The following CFAP43 variants were observed in gnomAD, a reference collection of about 807,000 sequenced individuals.
CFAP43 encodes the protein cilia and flagella associated protein 43.
Under a neutral mutation model 218.9 loss-of-function variants are expected in CFAP43, and 155 were observed. The observed-to-expected ratio is 0.71, with a 90% CI of 0.62 to 0.81. CFAP43 has a LOEUF of 0.81. Among genes scored for constraint, CFAP43 ranks in the 30% least tolerant of loss-of-function variants. The pLI is 0.00. For missense variants in CFAP43, 1,778 were observed against 1,954.3 expected (o/e 0.91, Z 1.70); for synonymous variants, 645 against 681.3 (o/e 0.95, Z 0.83).
At chr10:104,206,248 G>A (rs2090684979) in intron 6 of CFAP43, among the ~76,000 whole-genome samples, 1 of 152,148 alleles carries the variant, frequency 6.6e-6, no homozygotes, top group African/African-American at 2.4e-5. Context: ...GGAGTTGGGA[G>A]GGAAGTGAAA....
At chr10:104,140,489 A>C (rs1179123963) in intron 34 of CFAP43, among the ~76,000 whole-genome samples, 6 of 152,254 alleles carry the variant, frequency 3.9e-5, no homozygotes, top group Non-Finnish European at 8.8e-5. Context: ...TTGGTACAGC[A>C]GGCAATATGT....
At chr10:104,160,955 C>A in intron 27 of CFAP43, 82 bp downstream of exon 27, 1 of 1,359,598 alleles carries the variant, frequency 7.4e-7, no homozygotes, top group South Asian at 1.5e-5. Flanking sequence ...TTAAAGATAT[C>A]GACAAAGTAG....
At position 104,222,050 on chromosome 10, in the gene CFAP43, T is replaced by C. The variant is rs193249590; in HGVS notation, c.416+3411A>G. 9.8e-5 allele frequency among the ~76,000 whole-genome samples: 15 copies of C among 152,354 alleles called. No individual in the cohort carries two copies. The East Asian group carries it at 2.9e-3, about 29-fold the overall frequency. On this transcript the variant is annotated intron_variant, in intron 3 of 37. Transcript: ENST00000357060. ...TTGTTATTTTTAATTACACAAATAA[T>C]ATATGAATCCATTCTGCTCTTTTAA...
rs115905176 is a variant in CFAP43 at position 104,157,429 on chromosome 10, G to A, written c.3540+3608C>T. Among the ~76,000 whole-genome samples the A allele has an allele frequency of 6.4e-3, 967 of 152,274 alleles. 11 individuals carry two copies. The highest frequency in any genetic ancestry group is 0.023 in the African/African-American group (947 of 41,546). ...TGTGCACATCACAACATGCTTTTAA[G>A]GACATTATGCGTTGTGCTCATGTTC... On this transcript the variant is annotated intron_variant, in intron 27 of 37. Transcript: ENST00000357060.
At chr10:104,168,635 C>G in intron 21 of CFAP43, 109 bp downstream of exon 21, 1 of 824,268 alleles carries the variant, frequency 1.2e-6, no homozygotes, top group Non-Finnish European at 2.0e-6. Context: ...GCAAGCCATG[C>G]TCTCAGTGCT....
At chr10:104,194,234 A>G (rs539911700) in intron 10 of CFAP43, among the ~76,000 whole-genome samples, 2 of 152,160 alleles carry the variant, frequency 1.3e-5, no homozygotes, top group Non-Finnish European at 2.9e-5. Flanking sequence ...CTAAAATTAG[A>G]GTAATAAAAA....
At chr10:104,230,934 C>T in intron 1 of CFAP43, 91 bp from the exon 2 acceptor site, 1 of 1,379,184 alleles carries the variant, frequency 7.3e-7, no homozygotes, top group Non-Finnish European at 9.6e-7. Flanking sequence ...ATCTTTGAAA[C>T]ATTTCTATTT....
At chr10:104,230,029 C>T (rs966901444) in intron 2 of CFAP43, among the ~76,000 whole-genome samples, 1 of 152,114 alleles carries the variant, frequency 6.6e-6, no homozygotes, top group African/African-American at 2.4e-5. Context: ...GATGTGGGAG[C>T]CAAGTTTCTG....
intron 5 of CFAP43, among the ~76,000 whole-genome samples, chr10:104,209,576 A>G (rs1773703942): frequency 6.6e-6 from 1 of 152,254 alleles, no homozygotes; most frequent in Non-Finnish European, 1.5e-5. Context: ...CTCAAATGAC[A>G]AGGACAATTG....
At chr10:104,214,455 A>T (rs928516573) in intron 3 of CFAP43, 29 bp from the exon 4 acceptor site, 1 of 1,521,814 alleles carries the variant, frequency 6.6e-7, no homozygotes, top group African/African-American at 1.4e-5. Flanking sequence ...TTGATGAAAA[A>T]AAGTTCATTT....
intron 36 of CFAP43, 89 bp downstream of exon 36, chr10:104,132,027 C>G: frequency 2.0e-6 from 2 of 1,006,576 alleles, no homozygotes; most frequent in Non-Finnish European, 1.4e-6. Context: ...TTATTAGGGT[C>G]TAGGTAAATT....
At chr10:104,163,262 ACC>A (rs2088972632) in intron 24 of CFAP43, among the ~76,000 whole-genome samples, 1 of 152,144 alleles carries the variant, frequency 6.6e-6, no homozygotes, top group Non-Finnish European at 1.5e-5. Context: ...TAATATCAGT[ACC>A]TACCTTATGA....
intron 13 of CFAP43, 71 bp downstream of exon 13, chr10:104,188,199 C>T: frequency 1.3e-6 from 2 of 1,559,712 alleles, no homozygotes; most frequent in Non-Finnish European, 1.7e-6. Context: ...AAAAACAAAA[C>T]AAACCCAAAA....
intron 19 of CFAP43, among the ~76,000 whole-genome samples, chr10:104,177,148 G>T (rs140212544): frequency 6.6e-6 from 1 of 151,952 alleles, no homozygotes; most frequent in African/African-American, 2.4e-5. Context: ...AATGCCCATC[G>T]AAGTCTAGCA....
chr10:104,145,392 G>T, intron 31 of CFAP43, 84 bp downstream of exon 31: 3 of 792,886 alleles, frequency 3.8e-6, no homozygotes, highest in South Asian at 1.9e-5. Flanking sequence ...CATTTAATTG[G>T]GAGAAAAAAG....
chr10:104,181,731 T>C (rs1244991025), intron 17 of CFAP43, among the ~76,000 whole-genome samples: 1 of 152,200 alleles, frequency 6.6e-6, no homozygotes, highest in African/African-American at 2.4e-5. Context: ...TGTCTTTGCA[T>C]GGTGGTGTTC....
intron 27 of CFAP43, among the ~76,000 whole-genome samples, chr10:104,160,529 T>C (rs2088814858): frequency 6.6e-6 from 1 of 152,246 alleles, no homozygotes; most frequent in Non-Finnish European, 1.5e-5. Context: ...AATGTGACAG[T>C]GTTTCCTTCT....
Position 104,143,576 on chromosome 10 carries a change from TC to T in CFAP43, c.4007del (p.Gly1336AspfsTer5). 2 of 1,614,218 alleles carry T rather than the reference TC, an allele frequency of 1.2e-6. No individual in the cohort carries two copies. Among genetic ancestry groups the T allele is most frequent in the Non-Finnish European group, 1.7e-6 (2 of 1,180,026 alleles). ...AGGCATCCTTATTCAACTTGCCAGA[TC>T]CTGGTAGTTCTCCGAAAGGGACAAC... is the stretch of plus-strand genomic sequence containing the variant. Reference protein sequence around the residue: ...TSVVPFGELPGSGKLNKDAFA... With the variant: ...TSVVPFGELPXSGKLNKDAFA... On this transcript the variant is annotated frameshift_variant, in exon 32 of 38. Transcript: ENST00000357060. LOFTEE classifies it high-confidence loss of function.
At chr10:104,192,329 A>G in intron 11 of CFAP43, 27 bp from the exon 12 acceptor site, 1 of 1,539,104 alleles carries the variant, frequency 6.5e-7, no homozygotes, top group Non-Finnish European at 9.0e-7. Context: ...CTGATGATCA[A>G]ATCCCAATTG....
Sources: allele counts gnomAD v4.1 joint callset (sites outside exome capture counted in the v4.1 genomes callset), GRCh38; gene constraint gnomAD v4.1.1; transcripts MANE v1.5; gene names NCBI Gene and HGNC (gene_info 2026-07-23, HGNC 2026-07-21).